Variants in SHISA9 observed in about 807,000 individuals in gnomAD.
SHISA9 encodes shisa family member 9.
In SHISA9, 13 loss-of-function variants were observed where a neutral mutation model predicts 38.0. The ratio of observed to expected loss-of-function variants is 0.34; its 90% CI spans 0.22 to 0.54. The LOEUF (loss-of-function observed/expected upper bound fraction) is 0.54. SHISA9 is among the 20% of genes least tolerant of loss of function. The pLI is 0.91. For synonymous variants in SHISA9, 275 were observed against 242.0 expected, an observed-to-expected ratio of 1.14 and a Z score of -1.27; for missense variants, 538 against 575.8, an observed-to-expected ratio of 0.93 and a Z score of 0.67.
At chr16:13,052,964 T>TC (rs1265724264) in intron 2 of SHISA9, among the ~76,000 whole-genome samples, 3 of 145,032 alleles carry the variant, frequency 2.1e-5, no homozygotes, top group African/African-American at 7.9e-5. Flanking sequence ...CCTTTCTTTT[T>TC]TTTTTTTTTT....
the SHISA9 span, among the ~76,000 whole-genome samples, chr16:13,546,871 G>T: frequency 1.6e-4 from 25 of 152,160 alleles, no homozygotes; most frequent in Non-Finnish European, 3.1e-4. Context: ...TTTACTGGAA[G>T]AATTTGCTGA....
chr16:13,156,934 T>A (rs1472559689), intron 2 of SHISA9, among the ~76,000 whole-genome samples: 1 of 152,096 alleles, frequency 6.6e-6, no homozygotes, highest in African/African-American at 2.4e-5. Context: ...AAGAAACACA[T>A]TTACTGAGTG....
At chr16:13,154,644 A>G (rs1170078887) in intron 2 of SHISA9, among the ~76,000 whole-genome samples, 1 of 152,260 alleles carries the variant, frequency 6.6e-6, no homozygotes, top group South Asian at 2.1e-4. Context: ...TGTTGGATGC[A>G]GCAGCATAAT....
At chr16:13,449,822 T>C in the SHISA9 span, among the ~76,000 whole-genome samples, 1 of 152,062 alleles carries the variant, frequency 6.6e-6, no homozygotes, top group African/African-American at 2.4e-5. Context: ...TCTACAAAGC[T>C]CTCCAAAGAC....
At chr16:13,423,765 CTCAT>C in the SHISA9 span, among the ~76,000 whole-genome samples, 1 of 152,260 alleles carries the variant, frequency 6.6e-6, no homozygotes, top group South Asian at 2.1e-4. Flanking sequence ...CACTTCCAAA[CTCAT>C]TCAGACTGTT....
At chr16:13,068,377 A>G (rs541917181) in intron 2 of SHISA9, among the ~76,000 whole-genome samples, 26 of 152,324 alleles carry the variant, frequency 1.7e-4, no homozygotes, top group African/African-American at 6.0e-4. Context: ...GTGGACCTGA[A>G]AATAAAAAGG....
At chr16:13,096,574 A>C (rs1322448325) in intron 2 of SHISA9, among the ~76,000 whole-genome samples, 1 of 152,078 alleles carries the variant, frequency 6.6e-6, no homozygotes, top group Non-Finnish European at 1.5e-5. Context: ...AGGCAGAGAA[A>C]ATGTTTGAGT....
At chr16:13,402,639 G>A in the SHISA9 span, among the ~76,000 whole-genome samples, 1 of 151,398 alleles carries the variant, frequency 6.6e-6, no homozygotes, top group Non-Finnish European at 1.5e-5. Context: ...AGCCTCCCCA[G>A]TAGCTGGGAT....
intron 2 of SHISA9, among the ~76,000 whole-genome samples, chr16:13,010,526 T>C (rs2141851759): frequency 6.6e-6 from 1 of 152,324 alleles, no homozygotes; most frequent in Non-Finnish European, 1.5e-5. Context: ...CTCAGGTACA[T>C]AGAATCATAA....
At chr16:13,428,019 C>T in the SHISA9 span, among the ~76,000 whole-genome samples, 55 of 152,196 alleles carry the variant, frequency 3.6e-4, no homozygotes, top group East Asian at 6.6e-3. Flanking sequence ...GAAAGAACTA[C>T]GAAAAATCTA....
the SHISA9 span, among the ~76,000 whole-genome samples, chr16:13,548,487 T>A: frequency 1.3e-5 from 2 of 152,108 alleles, no homozygotes; most frequent in South Asian, 2.1e-4. Context: ...CCAGAACATA[T>A]AAGGAACTCA....
At chr16:13,515,810 CA>C in the SHISA9 span, among the ~76,000 whole-genome samples, 11 of 152,142 alleles carry the variant, frequency 7.2e-5, no homozygotes, top group Admixed American at 5.9e-4. Flanking sequence ...AAACATGACA[CA>C]AAAAACAATT....
chr16:13,126,014 A>G (rs1211065644), intron 2 of SHISA9, among the ~76,000 whole-genome samples: 2 of 152,244 alleles, frequency 1.3e-5, no homozygotes, highest in Non-Finnish European at 2.9e-5. Flanking sequence ...AGAAATGGCC[A>G]TCAATATTTG....
rs752827298 is a variant in SHISA9 at position 13,201,592 on chromosome 16, C to T, written c.692-1802C>T. 2.0e-4 allele frequency among the ~76,000 whole-genome samples: 26 copies of T among 133,110 alleles called. 3 individuals are homozygous for T. Among genetic ancestry groups the T allele is most frequent in the Non-Finnish European group, 3.3e-4 (20 of 61,372 alleles). The allele number at this position is 133,110 out of a possible 152,430, so 87.3% of individuals were successfully genotyped here. A position where few individuals can be genotyped will look rare whatever the true frequency, so the allele number is the denominator to read the frequency against. ...AATAGTCAAAGCAGAGACTGATGGC[C>T]TATGTAGTCTAAAATGCTTACTACC... On this transcript the variant is annotated intron_variant, in intron 2 of 4. Coordinates refer to ENST00000558583, the MANE Select transcript of SHISA9 (RefSeq NM_001145204.3).
intron 2 of SHISA9, among the ~76,000 whole-genome samples, chr16:12,995,133 C>T (rs748753311): frequency 2.6e-5 from 4 of 151,886 alleles, no homozygotes; most frequent in Non-Finnish European, 4.4e-5. Flanking sequence ...TTATGGGGTA[C>T]ATGAGATATT....
At chr16:13,387,982 A>G in the SHISA9 span, among the ~76,000 whole-genome samples, 2 of 152,076 alleles carry the variant, frequency 1.3e-5, no homozygotes, top group African/African-American at 4.8e-5. Context: ...AATTTCACTG[A>G]CAGTGTTAGA....
intron 2 of SHISA9, among the ~76,000 whole-genome samples, chr16:13,195,075 A>G (rs2050924041): frequency 1.3e-5 from 2 of 152,206 alleles, no homozygotes; most frequent in Non-Finnish European, 2.9e-5. Flanking sequence ...TAGCATACAT[A>G]TCTAAATTCC....
At chr16:13,076,515 A>G (rs2073584698) in intron 2 of SHISA9, among the ~76,000 whole-genome samples, 1 of 151,502 alleles carries the variant, frequency 6.6e-6, no homozygotes, top group Non-Finnish European at 1.5e-5. Context: ...CACACACCCA[A>G]CCTTCTGCCA....
At chr16:13,494,077 G>A in the SHISA9 span, among the ~76,000 whole-genome samples, 119 of 152,274 alleles carry the variant, frequency 7.8e-4, no homozygotes, top group African/African-American at 2.5e-3. Context: ...GAACTGAAGC[G>A]GGAAGAAAGA....
Sources: gnomAD v4.1 joint callset for allele counts (sites outside exome capture counted in the v4.1 genomes callset) on GRCh38, gnomAD v4.1.1 for gene constraint, MANE v1.5 for transcripts, NCBI Gene and HGNC (gene_info 2026-07-23, HGNC 2026-07-21) for gene names.